The following LSS variants were observed in gnomAD, a reference collection of about 807,000 sequenced individuals.
LSS encodes the protein lanosterol synthase, also known as 2,3-epoxysqualene-lanosterol cyclase.
In LSS, 90 loss-of-function variants were observed where a neutral mutation model predicts 110.3. That is an observed-to-expected ratio of 0.82 (90% CI 0.69 to 0.97). The LOEUF (loss-of-function observed/expected upper bound fraction) is 0.97, where lower values mean the gene tolerates loss of function less well. Ranked by LOEUF, LSS falls within the 50% of genes least tolerant of loss-of-function variation. The pLI, the probability that LSS is intolerant of heterozygous loss-of-function variation, is 0.00. For missense variants in LSS, 927 were observed against 990.0 expected (o/e 0.94, Z 0.85); for synonymous variants, 433 against 400.0 (o/e 1.08, Z -0.98).
chr21:46,228,765 G>T lies in LSS; in HGVS notation c.-20C>A. 1 of 1,579,870 alleles carries T rather than the reference G, an allele frequency of 6.3e-7. No homozygotes were observed. The highest frequency in any genetic ancestry group is 1.1e-5 in the South Asian group (1 of 88,740). On this transcript the variant is annotated 5_prime_UTR_variant, in exon 1 of 22. Coordinates refer to ENST00000397728, the MANE Select transcript of LSS (RefSeq NM_002340.6). ...CGTCATTGCTGCTGCAGTGCTCTAC[G>T]CCGCCCACTGCCAGCTGCCAGATGT...
At chr21:46,227,518 G>A in intron 3 of LSS, 34 bp downstream of exon 3, 1 of 1,612,534 alleles carries the variant, frequency 6.2e-7, no homozygotes, top group East Asian at 2.2e-5. Context: ...ATCCAGGGTG[G>A]CCATACCATC....
At chr21:46,210,301 C>T (rs893897454) in intron 12 of LSS, among the ~76,000 whole-genome samples, 6 of 151,938 alleles carry the variant, frequency 3.9e-5, no homozygotes, top group Admixed American at 2.0e-4. Context: ...CTCCTGACCT[C>T]GTGATCCACC....
Position 46,189,452 on chromosome 21 carries a change from T to A in LSS, c.*1652A>T. On this transcript the variant is annotated 3_prime_UTR_variant, in exon 22 of 22. Transcript: ENST00000397728. Reference sequence around the variant, plus strand: ...CAGTTTTAAGATGTGCAGGGAAGTGTTGACACTGAACAGGCAGCTGACCAA... The same window carrying A: ...CAGTTTTAAGATGTGCAGGGAAGTGATGACACTGAACAGGCAGCTGACCAA... The A allele has an allele frequency of 2.9e-6, 1 of 343,032 alleles. No individual in the cohort carries two copies. The allele number at this position is 343,032 out of a possible 1,614,324, so 21.2% of individuals were successfully genotyped here. A position where few individuals can be genotyped will look rare whatever the true frequency, so the allele number is the denominator to read the frequency against.
chr21:46,197,623 T>C (rs952000353), intron 17 of LSS, among the ~76,000 whole-genome samples: 1 of 152,186 alleles, frequency 6.6e-6, no homozygotes, highest in Non-Finnish European at 1.5e-5. Flanking sequence ...GCGCAGTGGC[T>C]CACGCCTTGT....
rs1257816643 is a variant in LSS, at chr21:46,219,588, A to C, written c.551-16T>G. 10 of 1,513,404 alleles carry C rather than the reference A, an allele frequency of 6.6e-6. No homozygotes were observed. Among genetic ancestry groups the C allele is most frequent in the Non-Finnish European group, 9.0e-6 (10 of 1,111,762 alleles). 93.7% of individuals were successfully genotyped at this position (1,513,404 alleles called of 1,614,324 possible). A position where few individuals can be genotyped will look rare whatever the true frequency, so the allele number is the denominator to read the frequency against. On this transcript the variant is annotated splice_polypyrimidine_tract_variant and intron_variant, in intron 5 of 21. Transcript: ENST00000397728. ...ACAGCACCACCTGAGCGGGGAGAGA[A>C]TAGGCCCACGTCATCTGCTTCCTGT...
rs2080166363 is a variant in LSS at position 46,213,854 on chromosome 21, T to C, written c.1012-19A>G. 2 of 1,590,918 alleles carry C rather than the reference T, an allele frequency of 1.3e-6. No individual in the cohort carries two copies. Among genetic ancestry groups the C allele is most frequent in the African/African-American group, 1.3e-5 (1 of 74,478 alleles). ...TCGAGATCTGCAGGAGAGACAGCCC[T>C]GTCAAGGCTCCGCTCCAGACCCACA... On this transcript the variant is annotated intron_variant, in intron 9 of 21. Transcript: ENST00000397728.
At chr21:46,192,585 C>T (rs558684765) in intron 20 of LSS, 1 of 342,282 alleles carries the variant, frequency 2.9e-6, no homozygotes, top group East Asian at 1.1e-4. Context: ...CATCTGTCTC[C>T]ATGTACGTAT....
intron 3 of LSS, among the ~76,000 whole-genome samples, chr21:46,226,939 G>A (rs1023442751): frequency 2.6e-5 from 4 of 152,188 alleles, no homozygotes; most frequent in African/African-American, 4.8e-5. Flanking sequence ...AGGAATTCAC[G>A]TCATTGAAAC....
At chr21:46,208,226 A>G in intron 14 of LSS, 25 bp downstream of exon 14, 1 of 1,551,326 alleles carries the variant, frequency 6.4e-7, no homozygotes, top group Non-Finnish European at 8.7e-7. Context: ...GGGACGGGAC[A>G]GGGATGGGGC....
Position 46,212,999 on chromosome 21 carries a change from T to C in LSS, c.1137+26A>G, listed in dbSNP as rs931661159. The C allele has an allele frequency of 3.7e-6, 6 of 1,613,774 alleles. No homozygotes were observed. In the African/African-American group the frequency reaches 4.0e-5, roughly 11 times the overall value. Reference sequence around the variant, plus strand: ...GGGAGACATGATTGCAAAGGAAGCATGCAGCCGCAGTCCCGCAGCCCTTAC... The same window carrying C: ...GGGAGACATGATTGCAAAGGAAGCACGCAGCCGCAGTCCCGCAGCCCTTAC... On this transcript the variant is annotated intron_variant, in intron 11 of 21. Transcript: ENST00000397728.
At position 46,205,287 on chromosome 21, in the gene LSS, G is replaced by A. The variant is rs560252253; in HGVS notation, c.1670+549C>T. ...TGTTACCCGAGCCACCTGACTAACC[G>A]CGAGCAGGAGAGCAGGAGAGCAGGA... On this transcript the variant is annotated intron_variant, in intron 17 of 21. Transcript: ENST00000397728. Among the ~76,000 whole-genome samples the A allele has an allele frequency of 4.8e-5, 6 of 124,154 alleles. No individual in the cohort carries two copies. The East Asian group carries it at 6.4e-4, about 13-fold the overall frequency. 81.4% of individuals were successfully genotyped at this position (124,154 alleles called of 152,430 possible). A position where few individuals can be genotyped will look rare whatever the true frequency, so the allele number is the denominator to read the frequency against.
intron 17 of LSS, among the ~76,000 whole-genome samples, chr21:46,202,343 G>A (rs1290040549): frequency 6.3e-5 from 9 of 141,822 alleles, no homozygotes; most frequent in African/African-American, 1.8e-4. Context: ...GCAGTGAGCC[G>A]AGATCCCGCC....
intron 6 of LSS, among the ~76,000 whole-genome samples, chr21:46,218,063 G>A (rs1028493450): frequency 4.6e-5 from 7 of 151,698 alleles, no homozygotes; most frequent in Non-Finnish European, 1.0e-4. Flanking sequence ...TTTCTTGAGC[G>A]GCCCCTTCAC....
rs375830164 is a variant in LSS at position 46,193,972 on chromosome 21, G to A, written c.1988+519C>T. On this transcript the variant is annotated intron_variant, in intron 20 of 21. Coordinates refer to ENST00000397728, the MANE Select transcript of LSS (RefSeq NM_002340.6). ...GACACAGGTGCCTGTGTGGGCATGC[G>A]TACGTGTGTGCATAGGCCTGTGTGT... Among the ~76,000 whole-genome samples the A allele has an allele frequency of 1.9e-4, 29 of 152,048 alleles. No individual in the cohort carries two copies. In the East Asian group the frequency reaches 2.1e-3, roughly 11 times the overall value.
chr21:46,202,552 T>C (rs1454687770), intron 17 of LSS, among the ~76,000 whole-genome samples: 2 of 151,916 alleles, frequency 1.3e-5, no homozygotes, highest in African/African-American at 4.8e-5. Flanking sequence ...CACAAATACT[T>C]ACTGTGCTTA....
intron 17 of LSS, among the ~76,000 whole-genome samples, chr21:46,196,904 T>C (rs9979525): frequency 0.62 from 94,745 of 152,100 alleles, 29,653 homozygotes; most frequent in East Asian, 0.69. Flanking sequence ...CAGCAGACGG[T>C]AGTCGGCAGC....
intron 2 of LSS, 64 bp downstream of exon 2, chr21:46,228,370 C>G: frequency 6.4e-7 from 1 of 1,551,568 alleles, no homozygotes; most frequent in Non-Finnish European, 8.7e-7. Context: ...TGAGAGAAAA[C>G]GTGCTCCTCA....
chr21:46,194,407 C>G, intron 20 of LSS, 84 bp downstream of exon 20: 1 of 1,523,770 alleles, frequency 6.6e-7, no homozygotes, highest in Non-Finnish European at 8.9e-7. Context: ...TCTCTACATT[C>G]ACTCAGCCCA....
At chr21:46,223,791 C>T (rs925635255) in intron 3 of LSS, among the ~76,000 whole-genome samples, 9 of 152,194 alleles carry the variant, frequency 5.9e-5, no homozygotes, top group Non-Finnish European at 8.8e-5. Flanking sequence ...TATGCCCGGA[C>T]GGGGCCAGCA....
Sources: allele counts gnomAD v4.1 joint callset (sites outside exome capture counted in the v4.1 genomes callset), GRCh38; gene constraint gnomAD v4.1.1; transcripts MANE v1.5; gene names NCBI Gene and HGNC (gene_info 2026-07-23, HGNC 2026-07-21).